KPNA5: variants seen among roughly 807,000 people sequenced by gnomAD.
The protein encoded by KPNA5 is importin subunit alpha-6.
In KPNA5, 46 loss-of-function variants were observed where a neutral mutation model predicts 71.3. The observed-to-expected ratio is 0.65, with a 90% confidence interval of 0.51 to 0.83. KPNA5 has a LOEUF of 0.83. KPNA5 is among the 40% of genes least tolerant of loss of function. The pLI is 0.00. For missense variants in KPNA5, 547 were observed against 628.3 expected (o/e 0.87, Z 1.38); for synonymous variants, 207 against 201.4 (o/e 1.03, Z -0.24).
chr6:116,729,796 T>A (rs1265551182), intron 13 of KPNA5, 55 bp downstream of exon 13: 2 of 1,142,016 alleles, frequency 1.8e-6, no homozygotes, highest in East Asian at 5.7e-5. Flanking sequence ...TCTGTCATAC[T>A]TTCCCCTTCC....
chr6:116,731,883 A>C (rs1269235958), intron 13 of KPNA5, among the ~76,000 whole-genome samples: 1 of 151,412 alleles, frequency 6.6e-6, no homozygotes, highest in Non-Finnish European at 1.5e-5. Context: ...CTGTGATCTT[A>C]CTCCCAGGCC....
chr6:116,694,146 G>T (rs1222891982), intron 4 of KPNA5, among the ~76,000 whole-genome samples: 1 of 152,080 alleles, frequency 6.6e-6, no homozygotes, highest in Non-Finnish European at 1.5e-5. Flanking sequence ...GTAACCTTGT[G>T]TTATAGTTTG....
rs908264347 is a variant in KPNA5 at position 116,735,820 on chromosome 6, G to T, written c.*3497G>T. 5 of 151,674 alleles carry T rather than the reference G, an allele frequency of 3.3e-5. No individual in the cohort carries two copies. Among genetic ancestry groups the T allele is most frequent in the East Asian group, 1.9e-4 (1 of 5,190 alleles). The allele number at this position is 151,674 out of a possible 1,614,324, so 9.4% of individuals were successfully genotyped here. ...CAGAAAAAGAGAAAAAACAAATGAA[G>T]ATGGAACAAATAGCAAGAAAGATCA... On this transcript the variant is annotated 3_prime_UTR_variant, in exon 14 of 14. Coordinates refer to ENST00000368564, the MANE Select transcript of KPNA5 (RefSeq NM_001366306.2).
rs886837768 is a variant in KPNA5, at chr6:116,683,588, A to AT, written c.4+2259dup. ...GAGCGGTTTCCCTCTTTTATTTATTATTTTTTTTTGAGATGGAGTCTCACT... is the reference window on the plus strand; with the variant it reads ...GAGCGGTTTCCCTCTTTTATTTATTATTTTTTTTTTGAGATGGAGTCTCACT... On this transcript the variant is annotated intron_variant, in intron 1 of 13. Transcript: ENST00000368564. Among the ~76,000 whole-genome samples, 17 of 150,636 alleles carry AT rather than the reference A, an allele frequency of 1.1e-4. No individual in the cohort carries two copies. In the South Asian group the frequency reaches 2.9e-3, roughly 26 times the overall value.
chr6:116,704,812 A>G (rs1778371423), intron 6 of KPNA5, among the ~76,000 whole-genome samples: 1 of 152,192 alleles, frequency 6.6e-6, no homozygotes, highest in Admixed American at 6.5e-5. Context: ...CCTAGACTCA[A>G]GCGATCTGTC....
In KPNA5 at chr6:116,735,437, ATAGC is replaced by A. The variant is rs1779638172; in HGVS notation, c.*3115_*3118del. 6.6e-6 allele frequency: 1 copy of A among 151,702 alleles called. No homozygotes were observed. Among genetic ancestry groups the A allele is most frequent in the Admixed American group, 6.6e-5 (1 of 15,164 alleles). 9.4% of individuals were successfully genotyped at this position (151,702 alleles called of 1,614,324 possible). A position where few individuals can be genotyped will look rare whatever the true frequency, so the allele number is the denominator to read the frequency against. Reference sequence around the variant, plus strand: ...TCTTAACCTTTATTCAGTTTAGTTTATAGCATTACTGTTTTATGAAATGTGACAT... The same window carrying A: ...TCTTAACCTTTATTCAGTTTAGTTTAATTACTGTTTTATGAAATGTGACAT... On this transcript the variant is annotated 3_prime_UTR_variant, in exon 14 of 14. Coordinates refer to ENST00000368564, the MANE Select transcript of KPNA5 (RefSeq NM_001366306.2).
intron 13 of KPNA5, among the ~76,000 whole-genome samples, chr6:116,730,561 A>C (rs1779445676): frequency 1.3e-5 from 2 of 152,160 alleles, no homozygotes; most frequent in Admixed American, 6.6e-5. Flanking sequence ...AATTTTCAGG[A>C]ATACAGTTGC....
chr6:116,738,346 G>A lies in KPNA5; in HGVS notation c.*6023G>A, dbSNP rs1433020202. On this transcript the variant is annotated 3_prime_UTR_variant, in exon 14 of 14. Coordinates refer to ENST00000368564, the MANE Select transcript of KPNA5 (RefSeq NM_001366306.2). ...TAGACCAATAACAGGATCTGAAATT[G>A]TGGCAATAATCAATAGCTTACCAAC... 6.6e-6 allele frequency: 1 copy of A among 152,170 alleles called. No homozygotes were observed. Among genetic ancestry groups the A allele is most frequent in the East Asian group, 1.9e-4 (1 of 5,196 alleles). 9.4% of individuals were successfully genotyped at this position (152,170 alleles called of 1,614,324 possible).
chr6:116,740,937 A>G lies in KPNA5; in HGVS notation c.*8614A>G, dbSNP rs540282250. On this transcript the variant is annotated 3_prime_UTR_variant, in exon 14 of 14. Coordinates refer to ENST00000368564, the MANE Select transcript of KPNA5 (RefSeq NM_001366306.2). Reference sequence around the variant, plus strand: ...TGCAGCACACCAACATGGCACATGTATACATATGTAACTAACCTGCACATT... The same window carrying G: ...TGCAGCACACCAACATGGCACATGTGTACATATGTAACTAACCTGCACATT... The G allele has an allele frequency of 7.2e-5, 11 of 152,210 alleles. No homozygotes were observed. In the East Asian group the frequency reaches 1.4e-3, roughly 19 times the overall value. The allele number at this position is 152,210 out of a possible 1,614,324, so 9.4% of individuals were successfully genotyped here.
chr6:116,682,409 T>C (rs1324814942), intron 1 of KPNA5, among the ~76,000 whole-genome samples: 1 of 152,222 alleles, frequency 6.6e-6, no homozygotes, highest in Non-Finnish European at 1.5e-5. Flanking sequence ...AAAACACTAA[T>C]GATTTATCTC....
In KPNA5 at chr6:116,722,199, G is replaced by A; in HGVS notation, c.830G>A (p.Trp277Ter). The A allele has an allele frequency of 6.2e-7, 1 of 1,613,220 alleles. No individual in the cohort carries two copies. Among genetic ancestry groups the A allele is most frequent in the Admixed American group, 1.7e-5 (1 of 59,968 alleles). ...SDPDVLADVC[W>*]ALSYLSDGPN... is the part of the protein sequence containing the mutation. Reference sequence around the variant, plus strand: ...CCAGATGTGTTAGCAGACGTGTGTTGGGCCCTTTCTTATCTCTCCGATGGA... The same window carrying A: ...CCAGATGTGTTAGCAGACGTGTGTTAGGCCCTTTCTTATCTCTCCGATGGA... Residue 277 changes from tryptophan to a stop codon, truncating the protein, a stop_gained, in exon 9 of 14, where the codon TGG becomes TAG. Transcript: ENST00000368564. LOFTEE classifies it high-confidence loss of function.
intron 1 of KPNA5, among the ~76,000 whole-genome samples, chr6:116,686,635 G>A (rs913348483): frequency 5.9e-5 from 9 of 152,190 alleles, no homozygotes; most frequent in African/African-American, 2.2e-4. Flanking sequence ...TGGCCAGAAT[G>A]ATATTGCCTA....
chr6:116,722,965 T>C (rs979619659), intron 9 of KPNA5, among the ~76,000 whole-genome samples: 1 of 151,774 alleles, frequency 6.6e-6, no homozygotes, highest in South Asian at 2.1e-4. Context: ...TGATAAGGAG[T>C]TGGGGGTCCC....
At chr6:116,726,711 ATAT>A in intron 12 of KPNA5, 89 bp downstream of exon 12, 2 of 1,106,984 alleles carry the variant, frequency 1.8e-6, no homozygotes, top group Non-Finnish European at 2.5e-6. Flanking sequence ...TGGAACTAAA[ATAT>A]TATTTCTAAG....
intron 4 of KPNA5, among the ~76,000 whole-genome samples, chr6:116,694,146 G>A (rs1222891982): frequency 2.0e-5 from 3 of 152,080 alleles, no homozygotes; most frequent in Non-Finnish European, 4.4e-5. Flanking sequence ...GTAACCTTGT[G>A]TTATAGTTTG....
chr6:116,692,249 T>A (rs982754588), intron 3 of KPNA5, 44 bp from the exon 4 acceptor site: 7 of 1,429,980 alleles, frequency 4.9e-6, no homozygotes, highest in Non-Finnish European at 6.8e-6. Context: ...ATTATTCATG[T>A]AAAATATGTA....
intron 1 of KPNA5, among the ~76,000 whole-genome samples, chr6:116,688,647 A>G (rs1009212259): frequency 1.1e-4 from 17 of 152,170 alleles, no homozygotes; most frequent in African/African-American, 3.6e-4. Flanking sequence ...TAAAATAGGT[A>G]TATAAATGTT....
intron 2 of KPNA5, among the ~76,000 whole-genome samples, chr6:116,690,095 C>G (rs1388938730): frequency 1.3e-5 from 2 of 152,132 alleles, no homozygotes; most frequent in Non-Finnish European, 2.9e-5. Flanking sequence ...CTATTGTATT[C>G]TATTCTATTG....
At position 116,692,084 on chromosome 6, in the gene KPNA5, C is replaced by T; in HGVS notation, c.168C>T (p.Pro56=). 3 of 1,612,268 alleles carry T rather than the reference C, an allele frequency of 1.9e-6. No homozygotes were observed. Among genetic ancestry groups the T allele is most frequent in the Non-Finnish European group, 2.5e-6 (3 of 1,178,646 alleles). The part of the protein sequence containing the change: ...QLFKRRNVYL[P]RNDESMLESP... ...TCAAACGCAGAAATGTCTATTTGCC[C>T]AGAAATGATGAATCTATGCTTGAAA... is the stretch of plus-strand genomic sequence containing the variant. The change falls in exon 3 of 14, where the codon CCC becomes CCT. Residue 56 remains proline, a synonymous_variant. Coordinates refer to ENST00000368564, the MANE Select transcript of KPNA5 (RefSeq NM_001366306.2).
Sources: gnomAD v4.1 joint callset for allele counts (sites outside exome capture counted in the v4.1 genomes callset) on GRCh38, gnomAD v4.1.1 for gene constraint, MANE v1.5 for transcripts, NCBI Gene and HGNC (gene_info 2026-07-23, HGNC 2026-07-21) for gene names.